The following DENND1A variants were observed in gnomAD, a reference collection of about 807,000 sequenced individuals.
DENND1A encodes DENN domain containing 1A, also known as DENN domain-containing protein 1A.
DENND1A carries 51 observed loss-of-function variants against 113.7 expected under a neutral mutation model. The observed-to-expected ratio is 0.45, with a 90% CI of 0.36 to 0.57. The LOEUF (loss-of-function observed/expected upper bound fraction) is 0.57. DENND1A is among the 20% of genes least tolerant of loss of function. The pLI is 0.00. For missense variants in DENND1A, 1,258 were observed against 1,395.9 expected, an observed-to-expected ratio of 0.90 and a Z score of 1.57; for synonymous variants, 565 against 570.8, an observed-to-expected ratio of 0.99 and a Z score of 0.14.
At chr9:123,603,765 A>G (rs567085822) in intron 11 of DENND1A, among the ~76,000 whole-genome samples, 1 of 152,226 alleles carries the variant, frequency 6.6e-6, no homozygotes, top group African/African-American at 2.4e-5. Flanking sequence ...AAAACATAGA[A>G]GAAAAGACAC....
chr9:123,750,859 C>T lies in DENND1A; in HGVS notation c.302+6844G>A, dbSNP rs533833608. Among the ~76,000 whole-genome samples, 7 of 152,284 alleles carry T rather than the reference C, an allele frequency of 4.6e-5. No individual in the cohort carries two copies. The South Asian group carries it at 6.2e-4, about 14-fold the overall frequency. ...GCATTTTTGTATAGCAGGGTACCCT[C>T]GGGCGAGACAACCATAAACAGCTTA... is the stretch of plus-strand genomic sequence containing the variant. On this transcript the variant is annotated intron_variant, in intron 5 of 23. Coordinates refer to ENST00000394215, the MANE Select transcript of DENND1A (RefSeq NM_001352964.2).
At chr9:123,398,530 A>G (rs1335722953) in intron 21 of DENND1A, among the ~76,000 whole-genome samples, 1 of 151,678 alleles carries the variant, frequency 6.6e-6, no homozygotes, top group East Asian at 1.9e-4. Flanking sequence ...ATCCACCACC[A>G]TGCCCGGCTA....
chr9:123,545,603 A>G (rs1460222779), intron 13 of DENND1A, among the ~76,000 whole-genome samples: 4 of 151,938 alleles, frequency 2.6e-5, no homozygotes, highest in Non-Finnish European at 4.4e-5. Context: ...AGTAGCTGGG[A>G]CTACAGGCGC....
chr9:123,815,530 T>C (rs369833477), intron 2 of DENND1A, among the ~76,000 whole-genome samples: 42 of 152,262 alleles, frequency 2.8e-4, no homozygotes, highest in African/African-American at 9.1e-4. Context: ...TTCAAAAAAT[T>C]TGCAGCCTGA....
intron 3 of DENND1A, among the ~76,000 whole-genome samples, chr9:123,779,153 G>A (rs1167009480): frequency 6.6e-6 from 1 of 151,992 alleles, no homozygotes; most frequent in African/African-American, 2.4e-5. Context: ...TTCAATTTGG[G>A]GTTTGTTTGG....
intron 13 of DENND1A, among the ~76,000 whole-genome samples, chr9:123,533,730 G>A (rs2055514537): frequency 1.3e-5 from 2 of 152,192 alleles, no homozygotes; most frequent in South Asian, 4.1e-4. Context: ...GTCCAATAGA[G>A]TTTCTGAATT....
chr9:123,539,538 T>C (rs1589045758), intron 13 of DENND1A, among the ~76,000 whole-genome samples: 3 of 152,122 alleles, frequency 2.0e-5, no homozygotes, highest in South Asian at 4.2e-4. Flanking sequence ...TGGTTACTTA[T>C]GGAGAAAAGG....
At chr9:123,468,814 TGAG>T (rs1564545150) in intron 13 of DENND1A, among the ~76,000 whole-genome samples, 8 of 152,328 alleles carry the variant, frequency 5.3e-5, no homozygotes, top group African/African-American at 1.7e-4. Flanking sequence ...GGCGTGAGTG[TGAG>T]GAGAAGGCAG....
chr9:123,711,608 A>G (rs2066640628), intron 5 of DENND1A, among the ~76,000 whole-genome samples: 1 of 150,296 alleles, frequency 6.7e-6, no homozygotes, highest in Non-Finnish European at 1.5e-5. Context: ...AACCTAAAGC[A>G]TAACTACCAT....
rs139775222 is a variant in DENND1A at position 123,880,820 on chromosome 9, C to T, written c.18-1799G>A. On this transcript the variant is annotated intron_variant, in intron 1 of 23. Transcript: ENST00000394215. Reference sequence around the variant, plus strand: ...TTCTAGAATGAACTGTTTCCCCCCACGTTTTCATATCTCTTACAACCGACA... The same window carrying T: ...TTCTAGAATGAACTGTTTCCCCCCATGTTTTCATATCTCTTACAACCGACA... Among the ~76,000 whole-genome samples the T allele has an allele frequency of 6.4e-3, 970 of 152,200 alleles. 35 individuals are homozygous for T. Among genetic ancestry groups the T allele is most frequent in the Admixed American group, 0.06 (917 of 15,280 alleles).
At chr9:123,911,801 C>T (rs992853153) in intron 1 of DENND1A, among the ~76,000 whole-genome samples, 1 of 152,038 alleles carries the variant, frequency 6.6e-6, no homozygotes, top group Non-Finnish European at 1.5e-5. Flanking sequence ...CGCCATTCCC[C>T]TGCCTCAGCC....
intron 5 of DENND1A, among the ~76,000 whole-genome samples, chr9:123,684,570 C>A (rs1007590317): frequency 1.3e-5 from 2 of 152,258 alleles, no homozygotes; most frequent in African/African-American, 4.8e-5. Context: ...TCTCAAACCA[C>A]AACCTTAGCA....
chr9:123,793,424 A>G (rs1379436798), intron 2 of DENND1A, among the ~76,000 whole-genome samples: 1 of 152,206 alleles, frequency 6.6e-6, no homozygotes, highest in Non-Finnish European at 1.5e-5. Flanking sequence ...TCCATTTACT[A>G]TCGATTAGGA....
At chr9:123,810,318 C>T (rs1356333339) in intron 2 of DENND1A, among the ~76,000 whole-genome samples, 1 of 152,098 alleles carries the variant, frequency 6.6e-6, no homozygotes, top group Non-Finnish European at 1.5e-5. Context: ...AACTCTGCAT[C>T]CATGCTGACT....
intron 19 of DENND1A, among the ~76,000 whole-genome samples, chr9:123,421,001 C>A (rs1363230369): frequency 6.6e-6 from 1 of 150,512 alleles, no homozygotes; most frequent in Non-Finnish European, 1.5e-5. Context: ...TGGGCAGGGG[C>A]AGGGACCTCG....
chr9:123,407,673 G>A (rs1393926399), intron 20 of DENND1A, among the ~76,000 whole-genome samples: 1 of 152,160 alleles, frequency 6.6e-6, no homozygotes, highest in Non-Finnish European at 1.5e-5. Context: ...CCGGTGTGAG[G>A]ATCCCAGCCG....
intron 2 of DENND1A, among the ~76,000 whole-genome samples, chr9:123,877,955 C>T (rs745400921): frequency 2.0e-5 from 3 of 152,174 alleles, no homozygotes; most frequent in Admixed American, 6.5e-5. Context: ...GTTCATTCTT[C>T]CATTTCATCT....
intron 8 of DENND1A, among the ~76,000 whole-genome samples, chr9:123,658,080 T>C (rs901516194): frequency 5.3e-5 from 8 of 152,234 alleles, no homozygotes; most frequent in Non-Finnish European, 1.2e-4. Flanking sequence ...TTGAAAGTCA[T>C]GATGAGTTCA....
rs181507589 is a variant in DENND1A, at chr9:123,423,367, G to A, written c.1489-11538C>T. On this transcript the variant is annotated intron_variant, in intron 19 of 23. Coordinates refer to ENST00000394215, the MANE Select transcript of DENND1A (RefSeq NM_001352964.2). ...TCTTCCTGTAGGTACAACCCATTAC[G>A]TCCTGCAACTCGGCGCTCATCAGCC... Among the ~76,000 whole-genome samples, 115 of 152,272 alleles carry A rather than the reference G, an allele frequency of 7.6e-4. No individual in the cohort carries two copies. The East Asian group carries it at 0.011, about 14-fold the overall frequency.
Sources: gnomAD v4.1 joint callset for allele counts (sites outside exome capture counted in the v4.1 genomes callset) on GRCh38, gnomAD v4.1.1 for gene constraint, MANE v1.5 for transcripts, NCBI Gene and HGNC (gene_info 2026-07-23, HGNC 2026-07-21) for gene names.